FOXP2: variants seen among roughly 807,000 people sequenced by gnomAD.
The protein encoded by FOXP2 is forkhead box protein P2.
In FOXP2, 12 loss-of-function variants were observed where a neutral mutation model predicts 115.8. The observed-to-expected ratio is 0.10, with a 90% CI of 0.07 to 0.17. The LOEUF (loss-of-function observed/expected upper bound fraction) is 0.17. Among genes scored for constraint, FOXP2 ranks in the 10% least tolerant of loss-of-function variants. The pLI, the probability that FOXP2 is intolerant of heterozygous loss-of-function variation, is 1.00. For synonymous variants in FOXP2, 328 were observed against 297.7 expected, an observed-to-expected ratio of 1.10 and a Z score of -1.05; for missense variants, 629 against 843.5, an observed-to-expected ratio of 0.75 and a Z score of 3.15.
chr7:114,243,966 A>C (rs1795217012), intron 1 of FOXP2, among the ~76,000 whole-genome samples: 1 of 151,936 alleles, frequency 6.6e-6, no homozygotes, highest in Admixed American at 6.6e-5. Context: ...CGAGATTAGA[A>C]TCACTGAAAA....
chr7:114,624,072 A>T (rs1362655433), intron 3 of FOXP2, among the ~76,000 whole-genome samples: 1 of 151,930 alleles, frequency 6.6e-6, no homozygotes, highest in African/African-American at 2.4e-5. Flanking sequence ...CAAGGCTTGA[A>T]TTTTTACCAA....
At chr7:114,246,775 T>A (rs1795295790) in intron 1 of FOXP2, among the ~76,000 whole-genome samples, 1 of 152,178 alleles carries the variant, frequency 6.6e-6, no homozygotes, top group Admixed American at 6.5e-5. Flanking sequence ...CCTTTTAGAA[T>A]CCTTGTTGAG....
In FOXP2 at chr7:114,352,249, AGAGT is replaced by A. The variant is rs555536374; in HGVS notation, c.-11+64144_-11+64147del. 2.8e-3 allele frequency among the ~76,000 whole-genome samples: 431 copies of A among 152,288 alleles called. 4 individuals are homozygous for A. The highest frequency in any genetic ancestry group is 9.7e-3 in the African/African-American group (402 of 41,572). ...ACCACTGCAGTCCAGCCTGGGCAAC[AGAGT>A]GAGACCCTCTCTGAAGAAAAAAAAG... On this transcript the variant is annotated intron_variant, in intron 2 of 17. Coordinates refer to the FOXP2 transcript ENST00000634411.
chr7:114,421,753 A>G (rs1238352657), intron 1 of FOXP2, among the ~76,000 whole-genome samples: 1 of 151,694 alleles, frequency 6.6e-6, no homozygotes, highest in Non-Finnish European at 1.5e-5. Context: ...TTACACATTC[A>G]ACTATATCCT....
chr7:114,290,745 G>T (rs565437808), intron 2 of FOXP2, among the ~76,000 whole-genome samples: 18 of 152,088 alleles, frequency 1.2e-4, no homozygotes, highest in African/African-American at 3.4e-4. Context: ...GATTGCCTGG[G>T]TTTGAATGAT....
At chr7:114,364,354 A>G (rs1033484342) in intron 2 of FOXP2, among the ~76,000 whole-genome samples, 4 of 151,926 alleles carry the variant, frequency 2.6e-5, no homozygotes, top group Non-Finnish European at 5.9e-5. Context: ...TACACCCCTC[A>G]CCCCAGCCAG....
chr7:114,278,199 G>T (rs1336321036), intron 1 of FOXP2, among the ~76,000 whole-genome samples: 1 of 151,932 alleles, frequency 6.6e-6, no homozygotes, highest in Non-Finnish European at 1.5e-5. Context: ...ACAAAAAAGA[G>T]AAAAGAGGCA....
chr7:114,280,789 C>T (rs1796316640), intron 1 of FOXP2, among the ~76,000 whole-genome samples: 1 of 152,118 alleles, frequency 6.6e-6, no homozygotes, highest in African/African-American at 2.4e-5. Flanking sequence ...ACAAGTGTGT[C>T]ACTTTCTCTA....
At chr7:114,284,937 A>AGT (rs1796428794) in intron 1 of FOXP2, among the ~76,000 whole-genome samples, 1 of 152,198 alleles carries the variant, frequency 6.6e-6, no homozygotes, top group African/African-American at 2.4e-5. Context: ...ACAGAAAAGC[A>AGT]AATACTGCAT....
chr7:114,431,321 C>T (rs537271772), intron 2 of FOXP2, among the ~76,000 whole-genome samples: 1 of 151,866 alleles, frequency 6.6e-6, no homozygotes, highest in Non-Finnish European at 1.5e-5. Context: ...TGTTACTGTG[C>T]GCTGACTCTG....
At chr7:114,427,823 A>G (rs927866810) in intron 2 of FOXP2, among the ~76,000 whole-genome samples, 2 of 151,670 alleles carry the variant, frequency 1.3e-5, no homozygotes, top group Non-Finnish European at 3.0e-5. Context: ...CTTAACCTTT[A>G]GGCATTGTTT....
intron 2 of FOXP2, among the ~76,000 whole-genome samples, chr7:114,520,605 G>A (rs554671598): frequency 6.6e-6 from 1 of 152,138 alleles, no homozygotes; most frequent in African/African-American, 2.4e-5. Flanking sequence ...CTGGTACAAT[G>A]GCCCATTCAA....
intron 1 of FOXP2, among the ~76,000 whole-genome samples, chr7:114,286,229 T>C (rs1421531596): frequency 6.6e-6 from 1 of 152,022 alleles, no homozygotes; most frequent in Non-Finnish European, 1.5e-5. Flanking sequence ...TATATATATG[T>C]ATATATGAAC....
chr7:114,408,656 G>A (rs1160541821), intron 2 of FOXP2, among the ~76,000 whole-genome samples: 1 of 152,080 alleles, frequency 6.6e-6, no homozygotes, highest in Non-Finnish European at 1.5e-5. Flanking sequence ...GAACCTGGGA[G>A]GCAGAGGTTG....
chr7:114,647,861 G>T (rs918967414), intron 8 of FOXP2, among the ~76,000 whole-genome samples: 1 of 152,028 alleles, frequency 6.6e-6, no homozygotes, highest in African/African-American at 2.4e-5. Flanking sequence ...TAGCAGACAA[G>T]TGTTCTTGAA....
rs1802861852 is a variant in FOXP2 at position 114,598,816 on chromosome 7, T to C, written c.259-29724T>C. On this transcript the variant is annotated intron_variant, in intron 3 of 16. Transcript: ENST00000350908. The stretch of plus-strand genomic sequence containing the variant: ...AACCAGAAATACATAGCTATGGATT[T>C]TCACAAAGTGAATACACCCATGGAA... 2.0e-5 allele frequency among the ~76,000 whole-genome samples: 3 copies of C among 152,188 alleles called. No homozygotes were observed. The South Asian group carries it at 6.2e-4, about 32-fold the overall frequency.
At chr7:114,234,903 T>C (rs1224430700) in intron 1 of FOXP2, among the ~76,000 whole-genome samples, 1 of 152,174 alleles carries the variant, frequency 6.6e-6, no homozygotes, top group African/African-American at 2.4e-5. Flanking sequence ...AGCTCACTCC[T>C]AGTCATCTCC....
At chr7:114,503,315 A>C (rs1358530874) in intron 2 of FOXP2, among the ~76,000 whole-genome samples, 1 of 151,642 alleles carries the variant, frequency 6.6e-6, no homozygotes, top group African/African-American at 2.4e-5. Flanking sequence ...TATCATAAAG[A>C]TTTTAAAATT....
At chr7:114,489,023 A>T (rs1429925971) in intron 2 of FOXP2, among the ~76,000 whole-genome samples, 4 of 152,138 alleles carry the variant, frequency 2.6e-5, no homozygotes, top group Non-Finnish European at 4.4e-5. Context: ...CCACCTGCAA[A>T]AACAGATGTT....
Sources: gnomAD v4.1 joint callset for allele counts (sites outside exome capture counted in the v4.1 genomes callset) on GRCh38, gnomAD v4.1.1 for gene constraint, MANE v1.5 for transcripts, NCBI Gene and HGNC (gene_info 2026-07-23, HGNC 2026-07-21) for gene names.